UBR1: variants seen among roughly 807,000 people sequenced by gnomAD.
UBR1 encodes ubiquitin protein ligase E3 component n-recognin 1, also known as E3 ubiquitin-protein ligase UBR1.
A neutral mutation model predicts 242.1 loss-of-function variants in UBR1; 102 were observed. The ratio of observed to expected loss-of-function variants is 0.42; its 90% CI spans 0.36 to 0.50. The LOEUF is 0.50. Among genes scored for constraint, UBR1 ranks in the 20% least tolerant of loss-of-function variants. The pLI, the probability that UBR1 is intolerant of heterozygous loss-of-function variation, is 0.01. For synonymous variants in UBR1, 675 were observed against 684.8 expected, an observed-to-expected ratio of 0.99 and a Z score of 0.22; for missense variants, 1,772 against 2,101.8, an observed-to-expected ratio of 0.84 and a Z score of 3.07.
chr15:43,074,286 G>A (rs1231922442), intron 4 of UBR1, among the ~76,000 whole-genome samples: 2 of 151,540 alleles, frequency 1.3e-5, no homozygotes, highest in South Asian at 2.1e-4. Flanking sequence ...TCCTTGACTG[G>A]GATATATCTA....
At chr15:43,026,422 A>T in intron 23 of UBR1, 139 bp downstream of exon 23, 1 of 671,088 alleles carries the variant, frequency 1.5e-6, no homozygotes, top group Non-Finnish European at 2.6e-6. Context: ...TTATTGATTC[A>T]ATTTTAATTC....
chr15:43,054,952 A>T, intron 11 of UBR1, 53 bp from the exon 12 acceptor site: 1 of 1,588,658 alleles, frequency 6.3e-7, no homozygotes, highest in South Asian at 1.1e-5. Flanking sequence ...TGTGGTATGG[A>T]CTTAATTTAT....
At position 42,974,093 on chromosome 15, in the gene UBR1, TTAGCCAG is replaced by T. The variant is rs1596081395; in HGVS notation, c.4369+2617_4369+2623del. 6.6e-5 allele frequency among the ~76,000 whole-genome samples: 10 copies of T among 152,138 alleles called. No homozygotes were observed. The East Asian group carries it at 1.7e-3, about 26-fold the overall frequency. On this transcript the variant is annotated intron_variant, in intron 39 of 46. Coordinates refer to ENST00000290650, the MANE Select transcript of UBR1 (RefSeq NM_174916.3). ...TTAGTAGAGACCGTGTTTCACCGTG[TTAGCCAG>T]GATGGTCTTGATCTCCTGACCTCGT...
intron 3 of UBR1, among the ~76,000 whole-genome samples, chr15:43,080,386 A>G (rs1482969669): frequency 6.6e-6 from 1 of 152,194 alleles, no homozygotes; most frequent in Middle Eastern, 3.2e-3. Context: ...CCCAGCCACT[A>G]GCAACCACTG....
chr15:43,038,879 ATTT>A (rs907181978), intron 15 of UBR1, among the ~76,000 whole-genome samples: 1 of 152,058 alleles, frequency 6.6e-6, no homozygotes, highest in Non-Finnish European at 1.5e-5. Context: ...TTTAACAAAA[ATTT>A]TTATTTTCAT....
rs752255465 is a variant in UBR1, at chr15:43,054,908, T to C, written c.1282-9A>G. On this transcript the variant is annotated splice_polypyrimidine_tract_variant and intron_variant, in intron 11 of 46. Coordinates refer to ENST00000290650, the MANE Select transcript of UBR1 (RefSeq NM_174916.3). ...TCAATAAGATGTCGAGCCTGCGGAA[T>C]ATTTCAAGAATATTTTCTTTAGCAT... The C allele has an allele frequency of 1.3e-5, 21 of 1,614,036 alleles. No homozygotes were observed. In the East Asian group the frequency reaches 4.7e-4, roughly 36 times the overall value.
Position 43,077,334 on chromosome 15 carries a change from G to A in UBR1, c.418-2245C>T, listed in dbSNP as rs903706463. Among the ~76,000 whole-genome samples the A allele has an allele frequency of 4.6e-5, 7 of 151,974 alleles. No homozygotes were observed. In the East Asian group the frequency reaches 1.4e-3, roughly 29 times the overall value. Reference sequence around the variant, plus strand: ...AAAAATTCTTCTGCCTTGGGATCCTGTTGATCTGTGACCTTATCCCCAACC... The same window carrying A: ...AAAAATTCTTCTGCCTTGGGATCCTATTGATCTGTGACCTTATCCCCAACC... On this transcript the variant is annotated intron_variant, in intron 3 of 46. Coordinates refer to ENST00000290650, the MANE Select transcript of UBR1 (RefSeq NM_174916.3).
At chr15:43,067,162 C>A (rs979197376) in intron 6 of UBR1, among the ~76,000 whole-genome samples, 1 of 152,034 alleles carries the variant, frequency 6.6e-6, no homozygotes, top group Non-Finnish European at 1.5e-5. Context: ...ATAAAGTATA[C>A]CATGTTTGAC....
In UBR1 at chr15:43,003,994, C is replaced by T. The variant is rs185103862; in HGVS notation, c.3416-64G>A. On this transcript the variant is annotated intron_variant, in intron 30 of 46. Transcript: ENST00000290650. Reference sequence around the variant, plus strand: ...GGTTATCAGGTCCAAAGTCTAATCACAAACTGTCTTAGGAATGTCCAAGCA... The same window carrying T: ...GGTTATCAGGTCCAAAGTCTAATCATAAACTGTCTTAGGAATGTCCAAGCA... 1,945 of 1,411,424 alleles carry T rather than the reference C, an allele frequency of 1.4e-3. 3 individuals carry two copies. The highest frequency in any genetic ancestry group is 2.6e-3 in the Admixed American group (155 of 59,672). The allele number at this position is 1,411,424 out of a possible 1,614,324, so 87.4% of individuals were successfully genotyped here. A position where few individuals can be genotyped will look rare whatever the true frequency, so the allele number is the denominator to read the frequency against.
At chr15:43,034,656 C>T (rs532981526) in intron 19 of UBR1, among the ~76,000 whole-genome samples, 7 of 151,914 alleles carry the variant, frequency 4.6e-5, no homozygotes, top group Admixed American at 6.6e-5. Context: ...GAGGCCAAGG[C>T]GGGCAGATCA....
chr15:42,988,039 G>C (rs900622253), intron 35 of UBR1, among the ~76,000 whole-genome samples: 5 of 152,040 alleles, frequency 3.3e-5, no homozygotes, highest in African/African-American at 1.2e-4. Context: ...TTTGATAGTA[G>C]GCTTCCCTTT....
chr15:43,076,305 G>C (rs1338584505), intron 3 of UBR1, among the ~76,000 whole-genome samples: 1 of 152,202 alleles, frequency 6.6e-6, no homozygotes, highest in East Asian at 1.9e-4. Context: ...AGGCTGGAGT[G>C]CAGTGGCGTG....
chr15:43,074,610 A>G (rs2033864152), intron 4 of UBR1, among the ~76,000 whole-genome samples: 1 of 152,064 alleles, frequency 6.6e-6, no homozygotes, highest in Admixed American at 6.6e-5. Flanking sequence ...TTGTATTTTT[A>G]GTAGAGACAG....
At chr15:43,004,313 A>G (rs1311142593) in intron 30 of UBR1, among the ~76,000 whole-genome samples, 1 of 152,122 alleles carries the variant, frequency 6.6e-6, no homozygotes, top group Non-Finnish European at 1.5e-5. Context: ...CTCATTAAGA[A>G]AAGCACAGAT....
chr15:42,999,119 T>G (rs988682384), intron 32 of UBR1, among the ~76,000 whole-genome samples: 3 of 152,100 alleles, frequency 2.0e-5, no homozygotes, highest in Admixed American at 2.0e-4. Flanking sequence ...TTTTGTATTT[T>G]TAGCAGAGAC....
At position 43,056,319 on chromosome 15, in the gene UBR1, C is replaced by T. The variant is rs758732643; in HGVS notation, c.1281+25G>A. ...GCAAAACAAGTTTTACTTAGAAAGACTGAAAAGGAATAATCAATACATACC... is the reference window on the plus strand; with the variant it reads ...GCAAAACAAGTTTTACTTAGAAAGATTGAAAAGGAATAATCAATACATACC... On this transcript the variant is annotated intron_variant, in intron 11 of 46. Transcript: ENST00000290650. 5 of 1,538,604 alleles carry T rather than the reference C, an allele frequency of 3.2e-6. No homozygotes were observed. In the South Asian group the frequency reaches 4.5e-5, roughly 14 times the overall value.
intron 39 of UBR1, among the ~76,000 whole-genome samples, chr15:42,974,092 G>A (rs1249325308): frequency 6.6e-6 from 1 of 151,832 alleles, no homozygotes; most frequent in African/African-American, 2.4e-5. Flanking sequence ...GTTTCACCGT[G>A]TTAGCCAGGA....
At chr15:43,084,113 T>C (rs2034005181) in intron 2 of UBR1, among the ~76,000 whole-genome samples, 1 of 152,156 alleles carries the variant, frequency 6.6e-6, no homozygotes, top group African/African-American at 2.4e-5. Context: ...TGTCTAATAA[T>C]ATTCTGTAAA....
intron 34 of UBR1, 24 bp from the exon 35 acceptor site, chr15:42,988,991 G>T: frequency 1.3e-6 from 2 of 1,569,040 alleles, no homozygotes; most frequent in Non-Finnish European, 8.8e-7. Flanking sequence ...AAGAAAATTT[G>T]TATGATTTAG....
Sources: allele counts gnomAD v4.1 joint callset (sites outside exome capture counted in the v4.1 genomes callset), GRCh38; gene constraint gnomAD v4.1.1; transcripts MANE v1.5; gene names NCBI Gene and HGNC (gene_info 2026-07-23, HGNC 2026-07-21).